MLLT3: variants seen among roughly 807,000 people sequenced by gnomAD.
The protein encoded by MLLT3 is protein AF-9.
Under a neutral mutation model 53.2 loss-of-function variants are expected in MLLT3, and 4 were observed. The observed-to-expected ratio is 0.08, with a 90% CI of 0.04 to 0.17. The LOEUF (loss-of-function observed/expected upper bound fraction) is 0.17, where lower values mean the gene tolerates loss of function less well. Ranked by LOEUF, MLLT3 falls within the 10% of genes least tolerant of loss-of-function variation. MLLT3 has a pLI of 1.00. For synonymous variants in MLLT3, 283 were observed against 230.6 expected, an observed-to-expected ratio of 1.23 and a Z score of -2.06; for missense variants, 569 against 684.0, an observed-to-expected ratio of 0.83 and a Z score of 1.87.
At chr9:20,604,756 T>C (rs1182891082) in intron 2 of MLLT3, among the ~76,000 whole-genome samples, 2 of 152,128 alleles carry the variant, frequency 1.3e-5, no homozygotes, top group African/African-American at 4.8e-5. Context: ...GCACTGGTCT[T>C]TAGTAACCAG....
intron 2 of MLLT3, among the ~76,000 whole-genome samples, chr9:20,468,644 A>G (rs1824294573): frequency 6.6e-6 from 1 of 152,212 alleles, no homozygotes; most frequent in South Asian, 2.1e-4. Context: ...TTCTGGCTCC[A>G]TTTCTATCAC....
chr9:20,413,087 C>T (rs935602148), intron 5 of MLLT3, among the ~76,000 whole-genome samples: 2 of 152,186 alleles, frequency 1.3e-5, no homozygotes, highest in Non-Finnish European at 2.9e-5. Flanking sequence ...CCTTCCAAAT[C>T]AGTGGCTAAA....
intron 2 of MLLT3, among the ~76,000 whole-genome samples, chr9:20,511,539 T>G (rs1354572422): frequency 1.3e-5 from 2 of 152,152 alleles, no homozygotes; most frequent in African/African-American, 4.8e-5. Flanking sequence ...GAAAAGGCGT[T>G]ATGCTATGAA....
At chr9:20,401,805 ATAAT>A (rs1822463663) in intron 5 of MLLT3, among the ~76,000 whole-genome samples, 2 of 152,190 alleles carry the variant, frequency 1.3e-5, no homozygotes. Context: ...TGTTACTGTT[ATAAT>A]AAAATAAACA....
chr9:20,416,579 T>C (rs1244979950), intron 4 of MLLT3, among the ~76,000 whole-genome samples: 1 of 152,130 alleles, frequency 6.6e-6, no homozygotes, highest in Non-Finnish European at 1.5e-5. Context: ...CTTTTTTAAT[T>C]ACATGCATAT....
At chr9:20,491,308 T>C (rs530186188) in intron 2 of MLLT3, among the ~76,000 whole-genome samples, 5 of 151,994 alleles carry the variant, frequency 3.3e-5, no homozygotes, top group African/African-American at 1.2e-4. Context: ...AAGAAAAAAA[T>C]GAAAGTAATT....
chr9:20,433,856 T>A (rs1266307481), intron 4 of MLLT3, among the ~76,000 whole-genome samples: 1 of 152,004 alleles, frequency 6.6e-6, no homozygotes, highest in Non-Finnish European at 1.5e-5. Flanking sequence ...GGCTCACACC[T>A]GTAATCCCAG....
At chr9:20,557,726 G>T (rs1192964530) in intron 2 of MLLT3, among the ~76,000 whole-genome samples, 1 of 152,156 alleles carries the variant, frequency 6.6e-6, no homozygotes, top group Admixed American at 6.6e-5. Context: ...ATCAACTGGG[G>T]TTAAGGAAGA....
chr9:20,619,635 T>C (rs965160492), intron 2 of MLLT3, among the ~76,000 whole-genome samples: 1 of 152,226 alleles, frequency 6.6e-6, no homozygotes, highest in Non-Finnish European at 1.5e-5. Context: ...ACAAAGCACC[T>C]TATTGTATTT....
rs75536257 is a variant in MLLT3, at chr9:20,367,891, C to T, written c.1126-2147G>A. ...CTTTCCAGCACTGAATTCTCACCCC[C>T]TTCTCCCAAGGTAGCACCAGGCTCT... On this transcript the variant is annotated intron_variant, in intron 5 of 10. Transcript: ENST00000380338. Among the ~76,000 whole-genome samples the T allele has an allele frequency of 4.7e-3, 709 of 152,302 alleles. 10 individuals are homozygous for T. The highest frequency in any genetic ancestry group is 0.016 in the African/African-American group (679 of 41,564).
At chr9:20,453,559 C>T (rs1823890104) in intron 3 of MLLT3, among the ~76,000 whole-genome samples, 1 of 151,996 alleles carries the variant, frequency 6.6e-6, no homozygotes, top group Admixed American at 6.6e-5. Context: ...TGAAACCCCA[C>T]CAAAACAAAA....
chr9:20,482,419 T>C (rs909158576), intron 2 of MLLT3, among the ~76,000 whole-genome samples: 3 of 152,232 alleles, frequency 2.0e-5, no homozygotes, highest in African/African-American at 7.2e-5. Context: ...CTGCTTTCTT[T>C]AGCTCTTGTC....
At chr9:20,502,153 G>A (rs1396265905) in intron 2 of MLLT3, 5 of 151,020 alleles carry the variant, frequency 3.3e-5, no homozygotes, top group Non-Finnish European at 7.4e-5. Flanking sequence ...ATAATAAAAC[G>A]AAGAGTACTG....
chr9:20,367,234 C>T (rs532707952), intron 5 of MLLT3, among the ~76,000 whole-genome samples: 6 of 152,310 alleles, frequency 3.9e-5, no homozygotes, highest in Admixed American at 3.9e-4. Context: ...TCCTCTTTGA[C>T]CCACCCAACT....
intron 2 of MLLT3, among the ~76,000 whole-genome samples, chr9:20,504,476 A>C (rs1587003401): frequency 6.6e-6 from 1 of 152,142 alleles, no homozygotes; most frequent in Admixed American, 6.5e-5. Context: ...CATTATGTTA[A>C]GAGAAATAGG....
At chr9:20,551,139 T>C (rs1818917096) in intron 2 of MLLT3, among the ~76,000 whole-genome samples, 1 of 152,236 alleles carries the variant, frequency 6.6e-6, no homozygotes, top group African/African-American at 2.4e-5. Context: ...GTCAATATGT[T>C]GGCTAAAATT....
At chr9:20,416,652 T>C (rs1011923650) in intron 4 of MLLT3, among the ~76,000 whole-genome samples, 3 of 152,142 alleles carry the variant, frequency 2.0e-5, no homozygotes, top group African/African-American at 7.2e-5. Context: ...CATGTTGGTC[T>C]GGGTATTGAA....
intron 2 of MLLT3, among the ~76,000 whole-genome samples, chr9:20,508,694 TA>T (rs370550904): frequency 5.7e-4 from 87 of 151,934 alleles, no homozygotes; most frequent in African/African-American, 2.0e-3. Context: ...AATAAATTCA[TA>T]AAAAAAAGTT....
At chr9:20,455,941 T>G (rs1823955845) in intron 3 of MLLT3, among the ~76,000 whole-genome samples, 1 of 145,396 alleles carries the variant, frequency 6.9e-6, no homozygotes. Context: ...TTTTTTTTTT[T>G]TTTTTTTTGA....
Sources: gnomAD v4.1 joint callset for allele counts (sites outside exome capture counted in the v4.1 genomes callset) on GRCh38, gnomAD v4.1.1 for gene constraint, MANE v1.5 for transcripts, NCBI Gene and HGNC (gene_info 2026-07-23, HGNC 2026-07-21) for gene names.